The following SH3RF3 variants were observed in gnomAD, a reference collection of about 807,000 sequenced individuals.
The protein encoded by SH3RF3 is SH3 domain containing ring finger 3, also known as E3 ubiquitin-protein ligase SH3RF3.
A neutral mutation model predicts 66.3 loss-of-function variants in SH3RF3; 29 were observed. The observed-to-expected ratio is 0.44, with a 90% CI of 0.33 to 0.60. SH3RF3 has a LOEUF of 0.60. Among genes scored for constraint, SH3RF3 ranks in the 20% least tolerant of loss-of-function variants. SH3RF3 has a pLI of 0.04. For synonymous variants in SH3RF3, 583 were observed against 532.0 expected (o/e 1.10, Z -1.32); for missense variants, 1,194 against 1,190.9 (o/e 1.00, Z -0.04).
chr2:109,203,085 C>A (rs936429082), intron 1 of SH3RF3, among the ~76,000 whole-genome samples: 8 of 152,172 alleles, frequency 5.3e-5, no homozygotes, highest in Admixed American at 5.2e-4. Flanking sequence ...CTCCGTCGAG[C>A]CTGGAACACT....
At position 109,291,474 on chromosome 2, in the gene SH3RF3, G is replaced by C. The variant is rs537491433; in HGVS notation, c.574-56200G>C. Among the ~76,000 whole-genome samples the C allele has an allele frequency of 2.0e-5, 3 of 152,300 alleles. No individual in the cohort carries two copies. In the East Asian group the frequency reaches 5.8e-4, roughly 29 times the overall value. On this transcript the variant is annotated intron_variant, in intron 1 of 9. Coordinates refer to ENST00000309415, the MANE Select transcript of SH3RF3 (RefSeq NM_001099289.3). ...CAGATGGTAGGGCCAGGAGGACCGGGCTCAGGGCCAGGGGCCTTCGGGCAC... is the reference window on the plus strand; with the variant it reads ...CAGATGGTAGGGCCAGGAGGACCGGCCTCAGGGCCAGGGGCCTTCGGGCAC...
intron 2 of SH3RF3, among the ~76,000 whole-genome samples, chr2:109,352,369 C>G (rs1230103659): frequency 6.6e-6 from 1 of 152,198 alleles, no homozygotes; most frequent in African/African-American, 2.4e-5. Context: ...CTTTTACTTT[C>G]CTGGTGGCTA....
chr2:109,302,867 C>T (rs1317340537), intron 1 of SH3RF3, among the ~76,000 whole-genome samples: 2 of 152,218 alleles, frequency 1.3e-5, no homozygotes, highest in African/African-American at 2.4e-5. Flanking sequence ...ATCTGATCTC[C>T]TTAGCTTTTT....
At chr2:109,249,024 G>A (rs1391049137) in intron 1 of SH3RF3, among the ~76,000 whole-genome samples, 1 of 152,044 alleles carries the variant, frequency 6.6e-6, no homozygotes, top group Non-Finnish European at 1.5e-5. Context: ...TGGGACTATA[G>A]GTGCATGCCA....
intron 1 of SH3RF3, among the ~76,000 whole-genome samples, chr2:109,188,655 C>T (rs1463023286): frequency 1.3e-5 from 2 of 152,206 alleles, no homozygotes; most frequent in Non-Finnish European, 2.9e-5. Context: ...ATGCCGAGGG[C>T]TGGAATGCAA....
At chr2:109,270,318 C>G (rs1251630512) in intron 1 of SH3RF3, among the ~76,000 whole-genome samples, 2 of 152,108 alleles carry the variant, frequency 1.3e-5, no homozygotes, top group Non-Finnish European at 2.9e-5. Flanking sequence ...TGTTGGAGTG[C>G]CGGGCATGGG....
intron 1 of SH3RF3, among the ~76,000 whole-genome samples, chr2:109,189,514 A>G (rs1678289128): frequency 6.6e-6 from 1 of 151,856 alleles, no homozygotes; most frequent in African/African-American, 2.4e-5. Flanking sequence ...GATTACAGGC[A>G]CACACCACCA....
intron 8 of SH3RF3, 147 bp downstream of exon 8, chr2:109,449,636 G>C: frequency 9.0e-7 from 1 of 1,110,180 alleles, no homozygotes; most frequent in South Asian, 1.7e-5. Flanking sequence ...GCGTGTGACA[G>C]AGAGGGAGCC....
chr2:109,445,441 G>A (rs971613465), intron 7 of SH3RF3, among the ~76,000 whole-genome samples: 1 of 152,192 alleles, frequency 6.6e-6, no homozygotes, highest in Admixed American at 6.5e-5. Context: ...CCAGAGGGCA[G>A]ATACAGATTA....
At chr2:109,383,767 G>T (rs931619643) in intron 3 of SH3RF3, among the ~76,000 whole-genome samples, 6 of 152,180 alleles carry the variant, frequency 3.9e-5, no homozygotes, top group African/African-American at 1.4e-4. Context: ...CCTTGAAAGT[G>T]AGAGCAATTA....
In SH3RF3 at chr2:109,449,055, A is replaced by G; in HGVS notation, c.1829-115A>G. 2.4e-6 allele frequency: 3 copies of G among 1,261,280 alleles called. No homozygotes were observed. The South Asian group carries it at 4.5e-5, about 19-fold the overall frequency. 78.1% of individuals were successfully genotyped at this position (1,261,280 alleles called of 1,614,324 possible). A position where few individuals can be genotyped will look rare whatever the true frequency, so the allele number is the denominator to read the frequency against. ...CCAGGTCTGTCTGGAGAAACTTCAG[A>G]GAGAGGCTGTGAGTGCTCGAGAAGG... is the stretch of plus-strand genomic sequence containing the variant. On this transcript the variant is annotated intron_variant, in intron 7 of 9. Transcript: ENST00000309415.
intron 7 of SH3RF3, among the ~76,000 whole-genome samples, chr2:109,447,336 C>T (rs1020285701): frequency 9.9e-5 from 15 of 152,108 alleles, no homozygotes; most frequent in African/African-American, 3.4e-4. Context: ...AGGCCTGACT[C>T]CCAGATGGAG....
At chr2:109,199,607 T>TCGTTCC (rs1558953948) in intron 1 of SH3RF3, among the ~76,000 whole-genome samples, 1 of 274 alleles carries the variant, frequency 3.6e-3, no homozygotes. Flanking sequence ...TGGAATGGAA[T>TCGTTCC]GGAATGGAAT....
intron 3 of SH3RF3, among the ~76,000 whole-genome samples, chr2:109,396,056 C>T (rs1037962941): frequency 1.3e-5 from 2 of 152,154 alleles, no homozygotes; most frequent in African/African-American, 2.4e-5. Context: ...GTGTTTAGAA[C>T]GTGCTCCGAT....
At chr2:109,478,529 G>C (rs61363407) in intron 8 of SH3RF3, among the ~76,000 whole-genome samples, 1,686 of 152,254 alleles carry the variant, frequency 0.011, 36 homozygotes, top group African/African-American at 0.038. Context: ...TCAGTCCTTG[G>C]CATTTTTCCT....
intron 5 of SH3RF3, among the ~76,000 whole-genome samples, chr2:109,430,516 C>T (rs1310110028): frequency 6.6e-6 from 1 of 151,878 alleles, no homozygotes; most frequent in Non-Finnish European, 1.5e-5. Context: ...TCCCCATCTC[C>T]TCCTCCTCCC....
In SH3RF3 at chr2:109,168,260, A is replaced by G. The variant is rs79847837; in HGVS notation, c.573+38147A>G. On this transcript the variant is annotated intron_variant, in intron 1 of 9. Coordinates refer to ENST00000309415, the MANE Select transcript of SH3RF3 (RefSeq NM_001099289.3). Reference sequence around the variant, plus strand: ...CAAAACTATACATTTTCACCACCTGATGGGGTCTGACTGTTGGGAAATGAC... The same window carrying G: ...CAAAACTATACATTTTCACCACCTGGTGGGGTCTGACTGTTGGGAAATGAC... Among the ~76,000 whole-genome samples the G allele has an allele frequency of 5.8e-4, 88 of 152,296 alleles. 1 individual carries two copies. The East Asian group carries it at 0.015, about 26-fold the overall frequency.
chr2:109,186,050 T>A (rs926672523), intron 1 of SH3RF3, among the ~76,000 whole-genome samples: 1 of 152,246 alleles, frequency 6.6e-6, no homozygotes, highest in Non-Finnish European at 1.5e-5. Flanking sequence ...TGTTTTGTAT[T>A]TAACCCAGTG....
chr2:109,151,797 C>T (rs537900773), intron 1 of SH3RF3, among the ~76,000 whole-genome samples: 233 of 152,334 alleles, frequency 1.5e-3, no homozygotes, highest in Middle Eastern at 3.4e-3. Context: ...CTTTTTATGA[C>T]TCTAATAGAT....
Sources: allele counts gnomAD v4.1 joint callset (sites outside exome capture counted in the v4.1 genomes callset), GRCh38; gene constraint gnomAD v4.1.1; transcripts MANE v1.5; gene names NCBI Gene and HGNC (gene_info 2026-07-23, HGNC 2026-07-21).